Variants in ZFAND4 observed in about 807,000 individuals in gnomAD.
ZFAND4 encodes the protein zinc finger AN1-type containing 4, also known as AN1-type zinc finger protein 4.
A neutral mutation model predicts 64.4 loss-of-function variants in ZFAND4; 43 were observed. The ratio of observed to expected loss-of-function variants is 0.67; its 90% confidence interval spans 0.52 to 0.86. The LOEUF is 0.86. ZFAND4 is among the 40% of genes least tolerant of loss of function. The pLI, the probability that ZFAND4 is intolerant of heterozygous loss-of-function variation, is 0.00. For missense variants in ZFAND4, 929 were observed against 859.8 expected (o/e 1.08, Z -1.01); for synonymous variants, 296 against 305.7 (o/e 0.97, Z 0.33).
Position 45,665,455 on chromosome 10 carries a change from C to T in ZFAND4, c.-117-1613G>A, listed in dbSNP as rs1013260325. Reference sequence around the variant, plus strand: ...ACTCGGGAGGCTGAGGCAGGAGAACCGCTTGAGTCCAGGAGGCAGAGGTTG... The same window carrying T: ...ACTCGGGAGGCTGAGGCAGGAGAACTGCTTGAGTCCAGGAGGCAGAGGTTG... On this transcript the variant is annotated intron_variant, in intron 1 of 9. Coordinates refer to ENST00000344646, the MANE Select transcript of ZFAND4 (RefSeq NM_174890.4). 6.2e-4 allele frequency among the ~76,000 whole-genome samples: 94 copies of T among 151,956 alleles called. 1 individual carries two copies. Among genetic ancestry groups the T allele is most frequent in the African/African-American group, 2.2e-3 (90 of 41,336 alleles).
In ZFAND4 at chr10:45,616,620, C is replaced by G. The variant is rs369243208; in HGVS notation, c.2049-49G>C. ...TGAATAGTTGTATTTCTATGAAAGG[C>G]TCATCTGTCTGGGAGACAGGAGCTT... On this transcript the variant is annotated intron_variant, in intron 9 of 9. Coordinates refer to ENST00000344646, the MANE Select transcript of ZFAND4 (RefSeq NM_174890.4). The G allele has an allele frequency of 7.5e-6, 12 of 1,605,804 alleles. No individual in the cohort carries two copies. The African/African-American group carries it at 1.3e-4, about 18-fold the overall frequency.
intron 4 of ZFAND4, chr10:45,651,456 C>T (rs1053094560): frequency 4.8e-6 from 2 of 419,128 alleles, no homozygotes; most frequent in African/African-American, 2.1e-5. Flanking sequence ...TCAGTAGACG[C>T]TCAATACGTA....
At chr10:45,657,518 G>C (rs1443882682) in intron 2 of ZFAND4, among the ~76,000 whole-genome samples, 5 of 152,178 alleles carry the variant, frequency 3.3e-5, no homozygotes, top group Admixed American at 6.5e-5. Context: ...AACCACTCTG[G>C]AAAATAATTT....
rs1221522602 is a variant in ZFAND4, at chr10:45,672,425, G to C, written c.-293C>G. On this transcript the variant is annotated 5_prime_UTR_variant, in exon 1 of 10. Coordinates refer to ENST00000344646, the MANE Select transcript of ZFAND4 (RefSeq NM_174890.4). ...GTTGAAGCTGGCGTCACGCCCAAAG[G>C]AACAAACGCCAGAGCGTGTGTCCTG... The C allele has an allele frequency of 3.9e-5, 6 of 152,230 alleles. No individual in the cohort carries two copies. Among genetic ancestry groups the C allele is most frequent in the Non-Finnish European group, 7.3e-5 (5 of 68,034 alleles). 9.4% of individuals were successfully genotyped at this position (152,230 alleles called of 1,614,324 possible). A position where few individuals can be genotyped will look rare whatever the true frequency, so the allele number is the denominator to read the frequency against.
chr10:45,624,277 A>C (rs2133551319), intron 8 of ZFAND4, among the ~76,000 whole-genome samples: 1 of 152,356 alleles, frequency 6.6e-6, no homozygotes, highest in East Asian at 1.9e-4. Context: ...ATGGCTCTAG[A>C]GTGGCCAGCA....
rs1047268401 is a variant in ZFAND4 at position 45,626,809 on chromosome 10, A to T, written c.1014T>A (p.Pro338=). ...LSHFSSNVKL[P]PQIPHLELGN... ...CCAACTCCAAATGGGGTATCTGAGG[A>T]GGTAGTTTGACGTTGCTACTGAAGT... Residue 338 remains proline (P), a synonymous_variant, in exon 7 of 10, where the codon CCT becomes CCA. Transcript: ENST00000344646. 7 of 1,614,100 alleles carry T rather than the reference A, an allele frequency of 4.3e-6. No individual in the cohort carries two copies. In the African/African-American group the frequency reaches 9.3e-5, roughly 22 times the overall value.
chr10:45,648,177 C>A (rs569838520), intron 5 of ZFAND4, 117 bp downstream of exon 5: 4 of 1,035,836 alleles, frequency 3.9e-6, no homozygotes, highest in Non-Finnish European at 5.3e-6. Flanking sequence ...ATCAATTATA[C>A]GAAGGACAAT....
At chr10:45,664,140 T>C (rs1290714387) in intron 1 of ZFAND4, among the ~76,000 whole-genome samples, 1 of 152,208 alleles carries the variant, frequency 6.6e-6, no homozygotes, top group Non-Finnish European at 1.5e-5. Context: ...AAGTGATATA[T>C]AAGCCAAACT....
At chr10:45,662,221 CTAA>C (rs2048527739) in intron 2 of ZFAND4, among the ~76,000 whole-genome samples, 1 of 152,156 alleles carries the variant, frequency 6.6e-6, no homozygotes, top group Admixed American at 6.5e-5. Context: ...ATTCAATTGT[CTAA>C]TAACCAAAAA....
intron 6 of ZFAND4, among the ~76,000 whole-genome samples, chr10:45,633,887 A>T (rs917824989): frequency 1.3e-5 from 2 of 152,194 alleles, no homozygotes; most frequent in African/African-American, 4.8e-5. Flanking sequence ...ACAGTTTTGT[A>T]TAAAAGGAGA....
intron 7 of ZFAND4, 104 bp downstream of exon 7, chr10:45,625,847 T>C (rs1161898234): frequency 2.8e-6 from 3 of 1,073,482 alleles, no homozygotes; most frequent in African/African-American, 3.2e-5. Context: ...ATGAAAATAA[T>C]CTAATCTTAG....
chr10:45,624,405 T>C (rs2045648526), intron 8 of ZFAND4, among the ~76,000 whole-genome samples, 178 bp downstream of exon 8: 1 of 152,234 alleles, frequency 6.6e-6, no homozygotes, highest in Non-Finnish European at 1.5e-5. Context: ...TTATTCTTTA[T>C]ATATGTCCTA....
intron 5 of ZFAND4, among the ~76,000 whole-genome samples, chr10:45,642,453 A>C (rs2047072026): frequency 6.6e-6 from 1 of 151,862 alleles, no homozygotes; most frequent in Non-Finnish European, 1.5e-5. Flanking sequence ...TAAAAATACA[A>C]AAAATTCGCC....
At chr10:45,621,254 C>A (rs1412860726) in intron 8 of ZFAND4, among the ~76,000 whole-genome samples, 1 of 151,932 alleles carries the variant, frequency 6.6e-6, no homozygotes, top group Admixed American at 6.6e-5. Context: ...ATGAAACTTG[C>A]ATCAAAATGT....
At chr10:45,651,577 G>A (rs2047761415) in intron 4 of ZFAND4, 2 of 472,034 alleles carry the variant, frequency 4.2e-6, no homozygotes, top group Non-Finnish European at 8.8e-6. Flanking sequence ...CAGGTAAACA[G>A]GCAATGTTGG....
At chr10:45,638,355 G>A (rs112081837) in intron 6 of ZFAND4, among the ~76,000 whole-genome samples, 16,509 of 150,874 alleles carry the variant, frequency 0.11, 1,198 homozygotes, top group Admixed American at 0.2. Flanking sequence ...TTAGCCCGGC[G>A]TAGTGGCGGG....
chr10:45,657,337 T>C (rs183070765), intron 2 of ZFAND4, among the ~76,000 whole-genome samples: 1 of 152,290 alleles, frequency 6.6e-6, no homozygotes, highest in East Asian at 1.9e-4. Flanking sequence ...CATCAGTCAT[T>C]AGGAAAATGT....
chr10:45,657,676 A>T (rs1372714328), intron 2 of ZFAND4, among the ~76,000 whole-genome samples: 1 of 152,236 alleles, frequency 6.6e-6, no homozygotes, highest in Admixed American at 6.5e-5. Flanking sequence ...ACCAAAAACT[A>T]AAAACCACCC....
intron 6 of ZFAND4, among the ~76,000 whole-genome samples, chr10:45,635,491 TTATC>T (rs1364128880): frequency 6.6e-6 from 1 of 152,064 alleles, no homozygotes; most frequent in African/African-American, 2.4e-5. Flanking sequence ...ATTAGACCCC[TTATC>T]TTTTACCATA....
Sources: gnomAD v4.1 joint callset for allele counts (sites outside exome capture counted in the v4.1 genomes callset) on GRCh38, gnomAD v4.1.1 for gene constraint, MANE v1.5 for transcripts, NCBI Gene and HGNC (gene_info 2026-07-23, HGNC 2026-07-21) for gene names.